Variants in MYO9B observed in about 807,000 individuals in gnomAD.
MYO9B encodes the protein unconventional myosin-IXb.
In MYO9B, 71 loss-of-function variants were observed where a neutral mutation model predicts 229.5. That is an observed-to-expected ratio of 0.31 (90% CI 0.26 to 0.38). MYO9B has a LOEUF of 0.38. Among genes scored for constraint, MYO9B ranks in the 10% least tolerant of loss-of-function variants. The probability of loss-of-function intolerance (pLI) is 1.00; values close to 1 mark genes in which losing one functional copy is unlikely to be tolerated. For synonymous variants in MYO9B, 1,185 were observed against 1,235.8 expected, an observed-to-expected ratio of 0.96 and a Z score of 0.86; for missense variants, 2,255 against 2,920.5, an observed-to-expected ratio of 0.77 and a Z score of 5.25.
intron 2 of MYO9B, among the ~76,000 whole-genome samples, chr19:17,115,399 T>G (rs1006791901): frequency 6.6e-6 from 1 of 151,848 alleles, no homozygotes; most frequent in East Asian, 1.9e-4. Flanking sequence ...TTTTCCTTTG[T>G]CTACCCCAGT....
Position 17,145,498 on chromosome 19 carries a change from T to C in MYO9B, c.935+7T>C. On this transcript the variant is annotated splice_region_variant and intron_variant, in intron 3 of 39. Coordinates refer to ENST00000682292, the MANE Select transcript of MYO9B (RefSeq NM_004145.4). ...AGAGTGGCATCGTGAGAGGGTGAGG[T>C]GTCCCTGGGGTCCCCACTGGTGGGA... 6.2e-7 allele frequency: 1 copy of C among 1,612,898 alleles called. No homozygotes were observed. Among genetic ancestry groups the C allele is most frequent in the South Asian group, 1.1e-5 (1 of 91,048 alleles).
chr19:17,123,977 G>A (rs535804960), intron 2 of MYO9B, among the ~76,000 whole-genome samples: 9 of 151,944 alleles, frequency 5.9e-5, no homozygotes, highest in African/African-American at 1.7e-4. Flanking sequence ...CCTCAATCTC[G>A]TGGGCTCAAG....
intron 1 of MYO9B, among the ~76,000 whole-genome samples, chr19:17,089,451 C>T (rs1237009368): frequency 6.6e-6 from 1 of 152,166 alleles, no homozygotes; most frequent in Non-Finnish European, 1.5e-5. Flanking sequence ...ATAAACGAAA[C>T]GGCTACGCCA....
At chr19:17,098,933 C>CA (rs1216087632) in intron 1 of MYO9B, among the ~76,000 whole-genome samples, 18,069 of 65,502 alleles carry the variant, frequency 0.28, 1,478 homozygotes, top group Non-Finnish European at 0.34. Flanking sequence ...AAGACCCTGA[C>CA]AAAAAAAAAA....
intron 2 of MYO9B, among the ~76,000 whole-genome samples, chr19:17,118,461 AATTTATTTATTT>A (rs200647611): frequency 2.0e-5 from 3 of 151,772 alleles, no homozygotes; most frequent in East Asian, 1.9e-4. Context: ...TTTTAAAATG[AATTTATTTATTT>A]ATTTATTTAT....
At chr19:17,207,301 C>T (rs78889477) in intron 35 of MYO9B, 57 bp downstream of exon 35, 41,719 of 1,558,186 alleles carry the variant, frequency 0.027, 701 homozygotes, top group Middle Eastern at 0.045. Context: ...CAGGACCCCA[C>T]GACAGCTCCA....
chr19:17,208,559 G>A (rs1384183075), intron 35 of MYO9B, among the ~76,000 whole-genome samples: 1 of 151,648 alleles, frequency 6.6e-6, no homozygotes, highest in Non-Finnish European at 1.5e-5. Context: ...AGCCTCCCAA[G>A]TAGCTGGGAC....
At chr19:17,120,159 A>G (rs924513773) in intron 2 of MYO9B, among the ~76,000 whole-genome samples, 2 of 152,118 alleles carry the variant, frequency 1.3e-5, no homozygotes, top group Non-Finnish European at 2.9e-5. Context: ...AACTGTCAGG[A>G]GCAGCAAGGG....
chr19:17,172,645 C>A lies in MYO9B; in HGVS notation c.1936-114C>A. The A allele has an allele frequency of 6.8e-7, 1 of 1,471,434 alleles. No homozygotes were observed. Among genetic ancestry groups the A allele is most frequent in the Non-Finnish European group, 9.4e-7 (1 of 1,068,904 alleles). 91.1% of individuals were successfully genotyped at this position (1,471,434 alleles called of 1,614,324 possible). A position where few individuals can be genotyped will look rare whatever the true frequency, so the allele number is the denominator to read the frequency against. The stretch of plus-strand genomic sequence containing the variant: ...GCCATAGTTCAAGAACTGCCATTTG[C>A]ACTTAGGATGGGCCCCACCCCACCG... On this transcript the variant is annotated intron_variant, in intron 12 of 39. Coordinates refer to ENST00000682292, the MANE Select transcript of MYO9B (RefSeq NM_004145.4). The surrounding 1 kb of genome is among the most constrained non-coding windows in gnomAD (Gnocchi z 8.2).
intron 18 of MYO9B, among the ~76,000 whole-genome samples, 199 bp from the exon 19 acceptor site, chr19:17,187,736 C>T (rs1294017184): frequency 1.3e-5 from 2 of 151,986 alleles, no homozygotes; most frequent in Admixed American, 1.3e-4. Flanking sequence ...TCCTGGCTGC[C>T]GTGCCGTAGA....
intron 37 of MYO9B, 152 bp downstream of exon 37, chr19:17,210,532 C>G: frequency 8.1e-7 from 1 of 1,240,568 alleles, no homozygotes; most frequent in African/African-American, 1.5e-5. Flanking sequence ...TGCTGACCTT[C>G]TGTGCTCAGG....
At chr19:17,175,957 C>T (rs749269032) in intron 14 of MYO9B, among the ~76,000 whole-genome samples, 3 of 151,710 alleles carry the variant, frequency 2.0e-5, no homozygotes, top group Non-Finnish European at 2.9e-5. Context: ...CTCAGCCTCC[C>T]GAGTAGCTGG....
At chr19:17,133,760 C>G (rs538968772) in intron 2 of MYO9B, among the ~76,000 whole-genome samples, 2 of 145,290 alleles carry the variant, frequency 1.4e-5, no homozygotes, top group East Asian at 4.2e-4. Context: ...GCCCTACTTT[C>G]CTACTTCTTT....
At chr19:17,165,058 C>T (rs770004636) in intron 10 of MYO9B, among the ~76,000 whole-genome samples, 11 of 151,920 alleles carry the variant, frequency 7.2e-5, no homozygotes, top group African/African-American at 1.2e-4. Flanking sequence ...TTTGTAGAGA[C>T]AGGGTCTTGC....
chr19:17,206,174 G>A, intron 32 of MYO9B, 22 bp downstream of exon 32: 1 of 1,609,068 alleles, frequency 6.2e-7, no homozygotes, highest in East Asian at 2.2e-5. Context: ...GGGCAGGTGG[G>A]TGCAGTGCCA....
intron 18 of MYO9B, 59 bp downstream of exon 18, chr19:17,186,060 G>A (rs959246748): frequency 1.3e-5 from 20 of 1,486,878 alleles, no homozygotes; most frequent in Admixed American, 6.8e-5. Flanking sequence ...TAGGGGTGTC[G>A]GTGTCCCTGC....
intron 1 of MYO9B, among the ~76,000 whole-genome samples, chr19:17,077,947 A>C (rs1393188082): frequency 3.3e-5 from 5 of 152,166 alleles, no homozygotes; most frequent in Non-Finnish European, 5.9e-5. Context: ...GGAAATCCCG[A>C]GGCAGTACCG....
intron 2 of MYO9B, among the ~76,000 whole-genome samples, chr19:17,145,056 T>C (rs1026366767): frequency 4.6e-5 from 7 of 151,528 alleles, no homozygotes; most frequent in Admixed American, 2.6e-4. Flanking sequence ...GGCGGGCAGA[T>C]TGCCTGAACT....
chr19:17,120,562 G>A (rs2057952465), intron 2 of MYO9B, among the ~76,000 whole-genome samples: 2 of 148,558 alleles, frequency 1.3e-5, no homozygotes, highest in Non-Finnish European at 3.0e-5. Flanking sequence ...TTGAGCCTAG[G>A]AGGCAGAGGT....
Sources: gnomAD v4.1 joint callset for allele counts (sites outside exome capture counted in the v4.1 genomes callset) on GRCh38, gnomAD v4.1.1 for gene constraint, Gnocchi (gnomAD v3.1) non-coding constraint, MANE v1.5 for transcripts, NCBI Gene and HGNC (gene_info 2026-07-23, HGNC 2026-07-21) for gene names.